Variants in PHTF1 observed in about 807,000 individuals in gnomAD.
PHTF1 encodes the protein putative homeodomain transcription factor 1.
In PHTF1, 88 loss-of-function variants were observed where a neutral mutation model predicts 102.4. That is an observed-to-expected ratio of 0.86 (90% confidence interval 0.72 to 1.03). PHTF1 has a LOEUF of 1.03. Ranked by LOEUF, PHTF1 falls within the 50% of genes least tolerant of loss-of-function variation. The probability of loss-of-function intolerance (pLI) is 0.00; values close to 1 mark genes in which losing one functional copy is unlikely to be tolerated. For synonymous variants in PHTF1, 289 were observed against 305.2 expected (o/e 0.95, Z 0.55); for missense variants, 814 against 909.5 (o/e 0.89, Z 1.35).
intron 7 of PHTF1, among the ~76,000 whole-genome samples, chr1:113,721,930 G>A (rs1292289361): frequency 5.3e-5 from 8 of 151,342 alleles, no homozygotes; most frequent in African/African-American, 1.7e-4. Flanking sequence ...TCCTGACCTC[G>A]TGATCCGCCC....
chr1:113,739,629 T>C (rs1557958690), intron 3 of PHTF1, among the ~76,000 whole-genome samples: 1 of 152,240 alleles, frequency 6.6e-6, no homozygotes, highest in Non-Finnish European at 1.5e-5. Flanking sequence ...ATATAATAAA[T>C]TGTTAATTAT....
At chr1:113,699,545 TA>T (rs1649209710) in intron 17 of PHTF1, 158 bp downstream of exon 17, 12 of 665,098 alleles carry the variant, frequency 1.8e-5, no homozygotes, top group Middle Eastern at 2.6e-4. Context: ...GCTCTGGTCC[TA>T]ACCACCACTG....
intron 3 of PHTF1, among the ~76,000 whole-genome samples, chr1:113,747,212 G>T (rs757102100): frequency 6.6e-6 from 1 of 152,128 alleles, no homozygotes; most frequent in Non-Finnish European, 1.5e-5. Context: ...TGTTTAGAGG[G>T]TTATAATTAC....
rs962008869 is a variant in PHTF1, at chr1:113,698,473, T to C, written c.2143-86A>G. The C allele has an allele frequency of 7.7e-6, 9 of 1,174,606 alleles. No homozygotes were observed. In the Admixed American group the frequency reaches 1.8e-4, roughly 23 times the overall value. The allele number at this position is 1,174,606 out of a possible 1,614,324, so 72.8% of individuals were successfully genotyped here. A position where few individuals can be genotyped will look rare whatever the true frequency, so the allele number is the denominator to read the frequency against. On this transcript the variant is annotated intron_variant, in intron 17 of 18. Transcript: ENST00000369604. ...TTCTTGCTGTGTTTTGTCTTGGGTATAGATGAATGCTTAAGGCTGTCTTTC... is the reference window on the plus strand; with the variant it reads ...TTCTTGCTGTGTTTTGTCTTGGGTACAGATGAATGCTTAAGGCTGTCTTTC...
chr1:113,710,679 G>A (rs1281973207), intron 10 of PHTF1, among the ~76,000 whole-genome samples: 1 of 151,386 alleles, frequency 6.6e-6, no homozygotes, highest in East Asian at 1.9e-4. Context: ...CACCCAGGCT[G>A]GAGTGCAGTG....
At chr1:113,719,152 C>A (rs761067783) in intron 7 of PHTF1, among the ~76,000 whole-genome samples, 1 of 152,208 alleles carries the variant, frequency 6.6e-6, no homozygotes, top group East Asian at 1.9e-4. Context: ...AAGTACCCAC[C>A]ATCATGCCTG....
rs530206295 is a variant in PHTF1, at chr1:113,742,058, C to A, written c.103-3259G>T. ...AGAGGAAGTACATGGCAGGCACTAT[C>A]CTAAGCACTTTTACATATAGTCATG... is the stretch of plus-strand genomic sequence containing the variant. On this transcript the variant is annotated intron_variant, in intron 3 of 18. Coordinates refer to ENST00000369604, the MANE Select transcript of PHTF1 (RefSeq NM_001323043.2). Among the ~76,000 whole-genome samples the A allele has an allele frequency of 1.4e-4, 22 of 152,292 alleles. 1 individual carries two copies. The South Asian group carries it at 4.3e-3, about 30-fold the overall frequency.
Position 113,712,119 on chromosome 1 carries a change from A to G in PHTF1, c.784-6T>C. 1 of 1,612,880 alleles carries G rather than the reference A, an allele frequency of 6.2e-7. No homozygotes were observed. Among genetic ancestry groups the G allele is most frequent in the Non-Finnish European group, 8.5e-7 (1 of 1,178,996 alleles). ...CCCAAACGCCTAAAAGCCTCCTACA[A>G]AGAGAACAGCAATACCTTCACAGGG... On this transcript the variant is annotated splice_region_variant and splice_polypyrimidine_tract_variant and intron_variant, in intron 8 of 18. Transcript: ENST00000369604.
chr1:113,756,066 C>CAA (rs1193713468), intron 3 of PHTF1, among the ~76,000 whole-genome samples: 2 of 57,866 alleles, frequency 3.5e-5, no homozygotes, highest in East Asian at 5.3e-4. Context: ...GACTCTGTCT[C>CAA]AAAAAAAAAA....
intron 13 of PHTF1, 106 bp from the exon 14 acceptor site, chr1:113,704,903 A>G (rs1209913423): frequency 1.2e-6 from 1 of 815,816 alleles, no homozygotes; most frequent in Non-Finnish European, 1.9e-6. Context: ...AAAAGAATGA[A>G]GTTCTAATCA....
intron 5 of PHTF1, among the ~76,000 whole-genome samples, chr1:113,730,703 A>T (rs1484989939): frequency 6.6e-6 from 1 of 152,200 alleles, no homozygotes. Context: ...AAATAGACTT[A>T]AAAAGTCATG....
chr1:113,703,467 C>T (rs1362442382), intron 15 of PHTF1, among the ~76,000 whole-genome samples: 1 of 152,162 alleles, frequency 6.6e-6, no homozygotes, highest in Admixed American at 6.5e-5. Context: ...CTCCCACTGG[C>T]CAAATTTAGG....
intron 5 of PHTF1, among the ~76,000 whole-genome samples, chr1:113,733,287 T>C (rs11577708): frequency 3.3e-5 from 5 of 151,996 alleles, no homozygotes; most frequent in Non-Finnish European, 5.9e-5. Context: ...AAAACAACTG[T>C]GCCATCAGCA....
Position 113,758,653 on chromosome 1 carries a change from T to G in PHTF1, c.45+6A>C. 1 of 1,538,076 alleles carries G rather than the reference T, an allele frequency of 6.5e-7. No homozygotes were observed. Among genetic ancestry groups the G allele is most frequent in the Non-Finnish European group, 9.0e-7 (1 of 1,114,574 alleles). ...TACAAATAAAAAAAATATATATATG[T>G]ATTACCTTCTTTTGGTACCACGATA... is the stretch of plus-strand genomic sequence containing the variant. On this transcript the variant is annotated splice_donor_region_variant and intron_variant, in intron 2 of 18. Coordinates refer to ENST00000369604, the MANE Select transcript of PHTF1 (RefSeq NM_001323043.2).
chr1:113,731,400 A>G (rs1654611351), intron 5 of PHTF1, among the ~76,000 whole-genome samples: 1 of 152,022 alleles, frequency 6.6e-6, no homozygotes, highest in African/African-American at 2.4e-5. Context: ...CCAGCTGAGC[A>G]TGGTGGCACA....
chr1:113,740,642 C>CATAGGGGA (rs1183499967), intron 3 of PHTF1, among the ~76,000 whole-genome samples: 1 of 152,134 alleles, frequency 6.6e-6, no homozygotes, highest in African/African-American at 2.4e-5. Context: ...TTACCCAGAC[C>CATAGGGGA]AATGTTCTTA....
At chr1:113,750,123 T>C (rs1196151443) in intron 3 of PHTF1, among the ~76,000 whole-genome samples, 1 of 152,106 alleles carries the variant, frequency 6.6e-6, no homozygotes, top group African/African-American at 2.4e-5. Flanking sequence ...GCTTCCCCAG[T>C]ATCTGGGACT....
intron 5 of PHTF1, among the ~76,000 whole-genome samples, chr1:113,729,666 C>T (rs1204042276): frequency 2.0e-5 from 3 of 152,188 alleles, no homozygotes; most frequent in African/African-American, 7.2e-5. Context: ...TTGTGGGCCC[C>T]TTGTGCCAGG....
At chr1:113,745,440 A>C (rs1471921884) in intron 3 of PHTF1, among the ~76,000 whole-genome samples, 1 of 152,182 alleles carries the variant, frequency 6.6e-6, no homozygotes, top group African/African-American at 2.4e-5. Flanking sequence ...GGAGTGGACA[A>C]AATTTTTCTA....
Sources: gnomAD v4.1 joint callset for allele counts (sites outside exome capture counted in the v4.1 genomes callset) on GRCh38, gnomAD v4.1.1 for gene constraint, MANE v1.5 for transcripts, NCBI Gene and HGNC (gene_info 2026-07-23, HGNC 2026-07-21) for gene names.